The following FBXL17 variants were observed in gnomAD, a reference collection of about 807,000 sequenced individuals.
FBXL17 encodes F-box and leucine rich repeat protein 17.
In FBXL17, 22 loss-of-function variants were observed where a neutral mutation model predicts 66.2. The observed-to-expected ratio is 0.33, with a 90% CI of 0.24 to 0.47. The LOEUF (loss-of-function observed/expected upper bound fraction) is 0.47, where lower values mean the gene tolerates loss of function less well. FBXL17 is among the 20% of genes least tolerant of loss of function. The pLI, the probability that FBXL17 is intolerant of heterozygous loss-of-function variation, is 1.00. For missense variants in FBXL17, 878 were observed against 948.2 expected, an observed-to-expected ratio of 0.93 and a Z score of 0.97; for synonymous variants, 474 against 400.5, an observed-to-expected ratio of 1.18 and a Z score of -2.19.
chr5:108,165,413 C>CTG (rs1561442852), intron 6 of FBXL17, among the ~76,000 whole-genome samples: 2 of 152,048 alleles, frequency 1.3e-5, no homozygotes, highest in Non-Finnish European at 2.9e-5. Flanking sequence ...TAAAAATCTA[C>CTG]TGTGTGTATG....
intron 6 of FBXL17, among the ~76,000 whole-genome samples, chr5:108,143,001 T>TAATAATAAA (rs1407689755): frequency 1.3e-5 from 2 of 150,820 alleles, no homozygotes; most frequent in South Asian, 2.1e-4. Context: ...ATAATAATAA[T>TAATAATAAA]AAAAGATTCT....
chr5:108,302,516 G>T (rs1322035057), intron 4 of FBXL17, among the ~76,000 whole-genome samples: 3 of 151,682 alleles, frequency 2.0e-5, no homozygotes, highest in African/African-American at 4.8e-5. Context: ...AAAATTAAGA[G>T]ATACTTACAA....
intron 4 of FBXL17, among the ~76,000 whole-genome samples, chr5:108,239,888 G>C (rs2150098674): frequency 6.6e-6 from 1 of 152,138 alleles, no homozygotes; most frequent in Admixed American, 6.6e-5. Context: ...AGGTAGAGCA[G>C]CAGGCAGAGT....
chr5:107,933,922 A>G (rs1750812333), intron 7 of FBXL17, among the ~76,000 whole-genome samples: 1 of 152,166 alleles, frequency 6.6e-6, no homozygotes, highest in African/African-American at 2.4e-5. Context: ...CATGAATTAT[A>G]TAAAAGAAGC....
Position 107,966,771 on chromosome 5 carries a change from C to G in FBXL17, c.1822+54154G>C, listed in dbSNP as rs546142154. The stretch of plus-strand genomic sequence containing the variant: ...CACTTACCTTATTGTACAACTATCA[C>G]CACATCTAGTTCCCAAATTCCCCAT... On this transcript the variant is annotated intron_variant, in intron 7 of 8. Transcript: ENST00000542267. Among the ~76,000 whole-genome samples the G allele has an allele frequency of 5.9e-5, 9 of 152,168 alleles. No individual in the cohort carries two copies. In the South Asian group the frequency reaches 1.9e-3, roughly 32 times the overall value.
chr5:108,270,611 T>G (rs1757229612), intron 4 of FBXL17, among the ~76,000 whole-genome samples: 1 of 151,472 alleles, frequency 6.6e-6, no homozygotes, highest in Admixed American at 6.6e-5. Context: ...GCCATAAACT[T>G]TGAGGATAAG....
chr5:108,335,089 T>C (rs1359022148), intron 4 of FBXL17, among the ~76,000 whole-genome samples: 1 of 152,176 alleles, frequency 6.6e-6, no homozygotes, highest in Non-Finnish European at 1.5e-5. Context: ...TCTTAAGGCA[T>C]TGATAGTACT....
At chr5:108,116,230 G>C (rs1750242032) in intron 6 of FBXL17, among the ~76,000 whole-genome samples, 3 of 152,206 alleles carry the variant, frequency 2.0e-5, no homozygotes, top group Admixed American at 1.3e-4. Context: ...TAGTGGTCTA[G>C]GAGAAAGAAC....
At chr5:108,253,148 G>A (rs1201815702) in intron 4 of FBXL17, among the ~76,000 whole-genome samples, 1 of 152,132 alleles carries the variant, frequency 6.6e-6, no homozygotes, top group African/African-American at 2.4e-5. Flanking sequence ...AGTTAATGAA[G>A]AGAAGAAAAG....
At chr5:107,928,321 A>C (rs1750603688) in intron 7 of FBXL17, among the ~76,000 whole-genome samples, 1 of 152,070 alleles carries the variant, frequency 6.6e-6, no homozygotes, top group Admixed American at 6.6e-5. Context: ...GCAATCCATC[A>C]CACCATTAGT....
Position 108,381,851 on chromosome 5 carries a change from G to T in FBXL17, c.-160C>A. On this transcript the variant is annotated 5_prime_UTR_variant, in exon 1 of 9. Transcript: ENST00000542267. ...ACGGGCACACACGCGACGGTGGGGG[G>T]TGGGCGTCAGCTGCGGGCCGCCGGA... 1 of 1,297,526 alleles carries T rather than the reference G, an allele frequency of 7.7e-7. No homozygotes were observed. The highest frequency in any genetic ancestry group is 9.8e-7 in the Non-Finnish European group (1 of 1,023,416). 80.4% of individuals were successfully genotyped at this position (1,297,526 alleles called of 1,614,324 possible). A position where few individuals can be genotyped will look rare whatever the true frequency, so the allele number is the denominator to read the frequency against.
At chr5:107,985,574 T>C (rs1752983921) in intron 7 of FBXL17, among the ~76,000 whole-genome samples, 1 of 152,226 alleles carries the variant, frequency 6.6e-6, no homozygotes, top group Non-Finnish European at 1.5e-5. Flanking sequence ...TACTTCATTT[T>C]TTTCTACACT....
chr5:107,954,351 TA>T (rs941247650), intron 7 of FBXL17, among the ~76,000 whole-genome samples: 2 of 152,178 alleles, frequency 1.3e-5, no homozygotes, highest in African/African-American at 2.4e-5. Flanking sequence ...CACACAAAAA[TA>T]ATTTAAAATA....
At chr5:108,159,256 T>C (rs931262552) in intron 6 of FBXL17, among the ~76,000 whole-genome samples, 14 of 152,188 alleles carry the variant, frequency 9.2e-5, no homozygotes, top group Non-Finnish European at 1.6e-4. Context: ...CAAAACACGA[T>C]GAAATTTGAT....
chr5:108,332,528 C>G (rs549380847), intron 4 of FBXL17, among the ~76,000 whole-genome samples: 1 of 152,230 alleles, frequency 6.6e-6, no homozygotes, highest in Admixed American at 6.5e-5. Flanking sequence ...ATTCTTCTCC[C>G]TAAATCAGAG....
chr5:107,873,387 C>A (rs1007782316), intron 8 of FBXL17, among the ~76,000 whole-genome samples: 3 of 152,054 alleles, frequency 2.0e-5, no homozygotes, highest in African/African-American at 2.4e-5. Flanking sequence ...ATATAGTAAG[C>A]CACTCAATAG....
intron 7 of FBXL17, among the ~76,000 whole-genome samples, chr5:108,006,829 G>A (rs1286925535): frequency 6.6e-6 from 1 of 152,184 alleles, no homozygotes; most frequent in Non-Finnish European, 1.5e-5. Flanking sequence ...TGTACTTCAG[G>A]ATAAAGGATT....
chr5:108,013,946 A>G (rs1256207663), intron 7 of FBXL17, among the ~76,000 whole-genome samples: 1 of 152,156 alleles, frequency 6.6e-6, no homozygotes, highest in Non-Finnish European at 1.5e-5. Context: ...CATTATTGCA[A>G]TTATCTTGGT....
At chr5:107,953,347 G>A (rs1234318142) in intron 7 of FBXL17, among the ~76,000 whole-genome samples, 1 of 140,442 alleles carries the variant, frequency 7.1e-6, no homozygotes. Flanking sequence ...AGCTTGCAGT[G>A]AGCCGAGATC....
Sources: allele counts gnomAD v4.1 joint callset (sites outside exome capture counted in the v4.1 genomes callset), GRCh38; gene constraint gnomAD v4.1.1; transcripts MANE v1.5; gene names NCBI Gene and HGNC (gene_info 2026-07-23, HGNC 2026-07-21).